The following MRC2 variants were observed in gnomAD, a reference collection of about 807,000 sequenced individuals.
The protein encoded by MRC2 is mannose receptor C-type 2, also known as C-type mannose receptor 2.
In MRC2, 84 loss-of-function variants were observed where a neutral mutation model predicts 206.2. The observed-to-expected ratio is 0.41, with a 90% CI of 0.34 to 0.49. MRC2 has a LOEUF of 0.49. Ranked by LOEUF, MRC2 falls within the 20% of genes least tolerant of loss-of-function variation. The pLI, the probability that MRC2 is intolerant of heterozygous loss-of-function variation, is 0.31. For synonymous variants in MRC2, 798 were observed against 800.0 expected, an observed-to-expected ratio of 1.00 and a Z score of 0.04; for missense variants, 1,676 against 2,001.5, an observed-to-expected ratio of 0.84 and a Z score of 3.10.
At chr17:62,645,587 A>G (rs1490037977) in intron 1 of MRC2, among the ~76,000 whole-genome samples, 1 of 124,572 alleles carries the variant, frequency 8.0e-6, no homozygotes, top group African/African-American at 3.1e-5. Context: ...AGGCTGGAGT[A>G]CAGTGGCATG....
intron 1 of MRC2, among the ~76,000 whole-genome samples, chr17:62,634,566 T>G (rs993567615): frequency 2.0e-5 from 3 of 152,224 alleles, no homozygotes; most frequent in African/African-American, 7.2e-5. Flanking sequence ...CCCAAAGTGC[T>G]GGGATTACAG....
chr17:62,691,238 C>A, intron 28 of MRC2, 110 bp downstream of exon 28: 2 of 1,314,052 alleles, frequency 1.5e-6, no homozygotes, highest in Non-Finnish European at 2.1e-6. Context: ...GATGGGAAGG[C>A]CTGAACAGAA....
At chr17:62,682,056 G>T (rs1224156535) in intron 19 of MRC2, 119 bp downstream of exon 19, 1 of 1,120,688 alleles carries the variant, frequency 8.9e-7, no homozygotes, top group South Asian at 1.6e-5. Context: ...CCCAATAAAG[G>T]CTAGACTCAG....
At chr17:62,636,283 T>G (rs967513496) in intron 1 of MRC2, among the ~76,000 whole-genome samples, 1 of 148,738 alleles carries the variant, frequency 6.7e-6, no homozygotes, top group African/African-American at 2.5e-5. Flanking sequence ...GCATGCTCAG[T>G]GGAAAACATT....
rs7207962 is a variant in MRC2 at position 62,659,898 on chromosome 17, C to T, written c.119-4650C>T. On this transcript the variant is annotated intron_variant, in intron 1 of 29. Coordinates refer to ENST00000303375, the MANE Select transcript of MRC2 (RefSeq NM_006039.5). Reference sequence around the variant, plus strand: ...GTGATTATTATCTAGGCATGAAATTCGTTCATTCATGCATGTGTTCATTTG... The same window carrying T: ...GTGATTATTATCTAGGCATGAAATTTGTTCATTCATGCATGTGTTCATTTG... 5.9e-3 allele frequency among the ~76,000 whole-genome samples: 894 copies of T among 152,278 alleles called. 11 individuals are homozygous for T. Among genetic ancestry groups the T allele is most frequent in the African/African-American group, 0.02 (844 of 41,556 alleles).
At chr17:62,645,846 G>C (rs1006952853) in intron 1 of MRC2, among the ~76,000 whole-genome samples, 1 of 150,158 alleles carries the variant, frequency 6.7e-6, no homozygotes, top group African/African-American at 2.4e-5. Flanking sequence ...GGCTTTCCCT[G>C]TAAAAAACTT....
At position 62,678,618 on chromosome 17, in the gene MRC2, G is replaced by C. The variant is rs1275449288; in HGVS notation, c.2167G>C (p.Val723Leu). Reference sequence around the variant, plus strand: ...GGCCAGCTACGAGGAGGAGCACTTTGTGGCCAACATGCTCAACAAGATCTT... The same window carrying C: ...GGCCAGCTACGAGGAGGAGCACTTTCTGGCCAACATGCTCAACAAGATCTT... The part of the protein sequence containing the change: ...SLASYEEEHF[V>L]ANMLNKIFGE... Residue 723 changes from valine (V) to leucine (L), a missense_variant, in exon 13 of 30, where the codon GTG becomes CTG. Val to Leu is a conservative substitution (Grantham distance 32). Around this residue, in one of 3 missense-constraint regions of MRC2, gnomAD observed 1,354 missense variants for 1,636.6 expected, o/e 0.83. Coordinates refer to ENST00000303375, the MANE Select transcript of MRC2 (RefSeq NM_006039.5). 1 of 1,611,772 alleles carries C rather than the reference G, an allele frequency of 6.2e-7. No homozygotes were observed.
At position 62,689,628 on chromosome 17, in the gene MRC2, C is replaced by T. The variant is rs1489403251; in HGVS notation, c.3441C>T (p.His1147=). The T allele has an allele frequency of 2.9e-5, 47 of 1,601,922 alleles. No homozygotes were observed. The highest frequency in any genetic ancestry group is 4.5e-5 in the South Asian group (4 of 89,054). The change falls in exon 24 of 30, where the codon CAC becomes CAT. Residue 1147 remains histidine (H), a synonymous_variant. Coordinates refer to ENST00000303375, the MANE Select transcript of MRC2 (RefSeq NM_006039.5). ...TGCTTCAGAAGCCGCTGCGCTGGCA[C>T]GATGCCCTCCTGCTGTGTGAGAGCC... The part of the protein sequence containing the change: ...FRLLQKPLRW[H]DALLLCESRN...
At chr17:62,663,269 C>G (rs1265815492) in intron 1 of MRC2, among the ~76,000 whole-genome samples, 1 of 140,984 alleles carries the variant, frequency 7.1e-6, no homozygotes, top group African/African-American at 2.6e-5. Flanking sequence ...CTAGTTTCTT[C>G]CTTTCTTTCT....
At chr17:62,678,916 C>T (rs908179921) in intron 13 of MRC2, among the ~76,000 whole-genome samples, 8 of 152,094 alleles carry the variant, frequency 5.3e-5, no homozygotes, top group African/African-American at 1.9e-4. Context: ...CAGCAATGCT[C>T]CAACAGACCC....
chr17:62,679,730 G>T, intron 13 of MRC2, 70 bp from the exon 14 acceptor site: 2 of 1,475,238 alleles, frequency 1.4e-6, no homozygotes. Context: ...CAAGGGACAG[G>T]GGGCACGTTT....
Position 62,666,412 on chromosome 17 carries a change from G to T in MRC2, c.695-43G>T. 3 of 1,612,618 alleles carry T rather than the reference G, an allele frequency of 1.9e-6. No individual in the cohort carries two copies. The highest frequency in any genetic ancestry group is 1.1e-5 in the South Asian group (1 of 90,882). ...TGGGGGAGGGTCTGCACTCCCGAGG[G>T]ACCCTGGAGGGGGCCTGAAGGAGAG... On this transcript the variant is annotated intron_variant, in intron 3 of 29. Coordinates refer to ENST00000303375, the MANE Select transcript of MRC2 (RefSeq NM_006039.5). This position sits in a 1 kb window ranked among gnomAD's most constrained non-coding sequence, Gnocchi z 5.0.
chr17:62,669,976 C>G (rs1262107421), intron 6 of MRC2, among the ~76,000 whole-genome samples: 1 of 152,162 alleles, frequency 6.6e-6, no homozygotes, highest in African/African-American at 2.4e-5. Context: ...AGCCTTGGGC[C>G]CTAGTCCAGT....
rs200529475 is a variant in MRC2 at position 62,691,065 on chromosome 17, G to A, written c.4129G>A (p.Gly1377Arg). Residue 1377 changes from glycine (G) to arginine (R), a missense_variant, in exon 28 of 30, where the codon GGG (glycine) becomes AGG (arginine). Gly to Arg is a moderately radical substitution (Grantham distance 125). Around this residue, in one of 3 missense-constraint regions of MRC2, gnomAD observed 1,354 missense variants for 1,636.6 expected, o/e 0.83. Coordinates refer to ENST00000303375, the MANE Select transcript of MRC2 (RefSeq NM_006039.5). ...CTGCTACTGGATTCAGAGCAACAGC[G>A]GGCTATGGCGCCCCGGCGCTTGCAC... ...NSCYWIQSNS[G>R]LWRPGACTNI... is the part of the protein sequence containing the mutation. The A allele has an allele frequency of 6.2e-7, 1 of 1,609,370 alleles. No individual in the cohort carries two copies. Among genetic ancestry groups the A allele is most frequent in the Non-Finnish European group, 8.5e-7 (1 of 1,178,824 alleles).
chr17:62,628,301 G>A (rs2084186749), intron 1 of MRC2, among the ~76,000 whole-genome samples: 1 of 152,164 alleles, frequency 6.6e-6, no homozygotes, highest in Non-Finnish European at 1.5e-5. Context: ...GGGGAGCCAG[G>A]GCTCTCTGTC....
At chr17:62,649,047 C>G (rs2088524023) in intron 1 of MRC2, among the ~76,000 whole-genome samples, 1 of 152,180 alleles carries the variant, frequency 6.6e-6, no homozygotes, top group South Asian at 2.1e-4. Flanking sequence ...CGTGTCCTTC[C>G]CAAATCGAGG....
intron 1 of MRC2, among the ~76,000 whole-genome samples, chr17:62,632,114 G>A (rs2084220800): frequency 6.6e-6 from 1 of 152,094 alleles, no homozygotes; most frequent in Non-Finnish European, 1.5e-5. Flanking sequence ...AGCTCACCCT[G>A]GGCCCTGCAG....
rs1373797292 is a variant in MRC2, at chr17:62,666,444, C to G, written c.695-11C>G. 8 of 1,613,738 alleles carry G rather than the reference C, an allele frequency of 5.0e-6. No individual in the cohort carries two copies. In the South Asian group the frequency reaches 5.5e-5, roughly 11 times the overall value. ...GAGGGGGCCTGAAGGAGAGGGCTGT[C>G]GTGGTGGCAGGTAACGACTGCGAGA... On this transcript the variant is annotated splice_polypyrimidine_tract_variant and intron_variant, in intron 3 of 29. Transcript: ENST00000303375. This position sits in a 1 kb window ranked among gnomAD's most constrained non-coding sequence, Gnocchi z 5.0.
At chr17:62,639,068 C>T (rs1318346387) in intron 1 of MRC2, among the ~76,000 whole-genome samples, 2 of 152,138 alleles carry the variant, frequency 1.3e-5, no homozygotes, top group African/African-American at 4.8e-5. Flanking sequence ...GGCACAGTGG[C>T]TCATGCCTGT....
Sources: allele counts gnomAD v4.1 joint callset (sites outside exome capture counted in the v4.1 genomes callset), GRCh38; gene constraint gnomAD v4.1.1; regional missense constraint gnomAD v4.1.1; non-coding constraint Gnocchi (gnomAD v3.1); transcripts MANE v1.5; gene names NCBI Gene and HGNC (gene_info 2026-07-23, HGNC 2026-07-21).